Variants in HOMER1 observed in about 807,000 individuals in gnomAD.
HOMER1 encodes the protein homer protein homolog 1.
Under a neutral mutation model 48.9 loss-of-function variants are expected in HOMER1, and 3 were observed. The observed-to-expected ratio is 0.06, with a 90% CI of 0.03 to 0.16. HOMER1 has a LOEUF of 0.16. Among genes scored for constraint, HOMER1 ranks in the 10% least tolerant of loss-of-function variants. The pLI is 1.00. For missense variants in HOMER1, 247 were observed against 411.4 expected (o/e 0.60, Z 3.46); for synonymous variants, 134 against 146.4 (o/e 0.92, Z 0.61).
rs550365243 is a variant in HOMER1 at position 79,512,988 on chromosome 5, C to T, written c.-214G>A. ...TACCAAAACGTTCAAACAGAGGCGG[C>T]ATTTGCTTATTCGAGTTAAAATGCT... On this transcript the variant is annotated 5_prime_UTR_variant, in exon 1 of 9. It removes an upstream start codon present in the reference 5' UTR. Coordinates refer to ENST00000334082, the MANE Select transcript of HOMER1 (RefSeq NM_004272.5). The T allele has an allele frequency of 6.8e-6, 4 of 584,248 alleles. No individual in the cohort carries two copies. In the Admixed American group the frequency reaches 9.6e-5, roughly 14 times the overall value. 36.2% of individuals were successfully genotyped at this position (584,248 alleles called of 1,614,324 possible).
rs550891573 is a variant in HOMER1, at chr5:79,451,788, C to G, written c.163-667G>C. 7.8e-4 allele frequency among the ~76,000 whole-genome samples: 119 copies of G among 151,932 alleles called. 2 individuals carry two copies. The highest frequency in any genetic ancestry group is 7.7e-3 in the Admixed American group (118 of 15,262). On this transcript the variant is annotated intron_variant, in intron 2 of 8. Transcript: ENST00000334082. ...GTTTCACCATGTTAGCCAGGATGGT[C>G]TCGATCTCCTGATCTGCCCGCCTCG... is the stretch of plus-strand genomic sequence containing the variant.
intron 5 of HOMER1, among the ~76,000 whole-genome samples, chr5:79,419,770 CACTT>C (rs1316357314): frequency 6.6e-6 from 1 of 152,022 alleles, no homozygotes; most frequent in Non-Finnish European, 1.5e-5. Context: ...AGAAGAAAAA[CACTT>C]ATTCTAGATT....
At chr5:79,425,010 T>C (rs961994796) in intron 5 of HOMER1, among the ~76,000 whole-genome samples, 29 of 152,082 alleles carry the variant, frequency 1.9e-4, no homozygotes, top group Admixed American at 1.8e-3. Context: ...GTTAAGTGTC[T>C]TCTTTAAAGA....
intron 5 of HOMER1, among the ~76,000 whole-genome samples, chr5:79,433,397 G>C (rs958916444): frequency 6.6e-5 from 10 of 152,006 alleles, no homozygotes; most frequent in African/African-American, 2.4e-4. Flanking sequence ...CTGAAATCCT[G>C]TCTCTACTAA....
intron 5 of HOMER1, among the ~76,000 whole-genome samples, chr5:79,403,265 C>T (rs1027191146): frequency 6.6e-6 from 1 of 152,126 alleles, no homozygotes; most frequent in Non-Finnish European, 1.5e-5. Flanking sequence ...TCTTCAATCA[C>T]CATTTTTTGG....
chr5:79,386,017 T>C (rs1345667826), intron 8 of HOMER1, among the ~76,000 whole-genome samples: 1 of 151,984 alleles, frequency 6.6e-6, no homozygotes, highest in Non-Finnish European at 1.5e-5. Flanking sequence ...ACACAATGAT[T>C]CATGTAAATT....
In HOMER1 at chr5:79,457,167, A is replaced by G. The variant is rs1045548218; in HGVS notation, c.6-149T>C. ...AGAAACTTTCAAATTTGCATATTCT[A>G]AGTATTCAGTCATAAGGTTTCTAAA... On this transcript the variant is annotated intron_variant, in intron 1 of 8. Transcript: ENST00000334082. The G allele has an allele frequency of 5.6e-6, 4 of 712,454 alleles. No individual in the cohort carries two copies. The African/African-American group carries it at 7.1e-5, about 13-fold the overall frequency. 44.1% of individuals were successfully genotyped at this position (712,454 alleles called of 1,614,324 possible).
chr5:79,433,223 C>G (rs1042154654), intron 5 of HOMER1, among the ~76,000 whole-genome samples: 12 of 152,136 alleles, frequency 7.9e-5, no homozygotes, highest in African/African-American at 2.7e-4. Flanking sequence ...CAGCCATTCA[C>G]TTTTTTCCTG....
intron 1 of HOMER1, among the ~76,000 whole-genome samples, chr5:79,480,305 T>C (rs1164624603): frequency 6.6e-6 from 1 of 152,128 alleles, no homozygotes; most frequent in African/African-American, 2.4e-5. Flanking sequence ...CTTATATATA[T>C]AGTCTCATTT....
chr5:79,434,171 C>T (rs1439915530), intron 5 of HOMER1, among the ~76,000 whole-genome samples: 1 of 151,972 alleles, frequency 6.6e-6, no homozygotes, highest in Non-Finnish European at 1.5e-5. Flanking sequence ...AATATGACAA[C>T]AATTATTTAT....
rs779298030 is a variant in HOMER1 at position 79,500,959 on chromosome 5, G to GACACAC, written c.5+11810_5+11811insGTGTGT. Among the ~76,000 whole-genome samples, 533 of 129,984 alleles carry GACACAC rather than the reference G, an allele frequency of 4.1e-3. 3 individuals are homozygous for GACACAC. Among genetic ancestry groups the GACACAC allele is most frequent in the African/African-American group, 0.016 (475 of 28,872 alleles). 85.3% of individuals were successfully genotyped at this position (129,984 alleles called of 152,430 possible). A position where few individuals can be genotyped will look rare whatever the true frequency, so the allele number is the denominator to read the frequency against. On this transcript the variant is annotated intron_variant, in intron 1 of 8. Coordinates refer to ENST00000334082, the MANE Select transcript of HOMER1 (RefSeq NM_004272.5). ...TGTGTGTGTGTGTGTGTGTGAGACA[G>GACACAC]ACAGACACACACACACACACACACA...
At chr5:79,383,498 G>A (rs1365125956) in intron 8 of HOMER1, among the ~76,000 whole-genome samples, 1 of 150,380 alleles carries the variant, frequency 6.6e-6, no homozygotes, top group Non-Finnish European at 1.5e-5. Flanking sequence ...CGATTTTCCT[G>A]CCTCAGCCTC....
intron 5 of HOMER1, among the ~76,000 whole-genome samples, chr5:79,420,027 A>C (rs1359340741): frequency 6.6e-6 from 1 of 152,188 alleles, no homozygotes; most frequent in Non-Finnish European, 1.5e-5. Context: ...TTGCATTTCT[A>C]ATTTATTTAG....
chr5:79,434,292 C>G (rs1750510905), intron 5 of HOMER1, among the ~76,000 whole-genome samples: 1 of 151,716 alleles, frequency 6.6e-6, no homozygotes, highest in Non-Finnish European at 1.5e-5. Context: ...TCAACTATTT[C>G]CAAGATAATT....
intron 1 of HOMER1, among the ~76,000 whole-genome samples, chr5:79,478,460 G>C (rs1045166555): frequency 6.6e-6 from 1 of 151,990 alleles, no homozygotes; most frequent in East Asian, 1.9e-4. Flanking sequence ...AGGCCGAGGC[G>C]GGCGGATTGC....
At chr5:79,485,406 C>A (rs1271300972) in intron 1 of HOMER1, among the ~76,000 whole-genome samples, 1 of 152,156 alleles carries the variant, frequency 6.6e-6, no homozygotes, top group Non-Finnish European at 1.5e-5. Context: ...TCATCGCATC[C>A]TCACCCTAAG....
In HOMER1 at chr5:79,512,936, T is replaced by C; in HGVS notation, c.-162A>G. 1.5e-6 allele frequency: 1 copy of C among 648,606 alleles called. No homozygotes were observed. Among genetic ancestry groups the C allele is most frequent in the Admixed American group, 2.7e-5 (1 of 37,042 alleles). The allele number at this position is 648,606 out of a possible 1,614,324, so 40.2% of individuals were successfully genotyped here. On this transcript the variant is annotated 5_prime_UTR_variant, in exon 1 of 9. Transcript: ENST00000334082. ...ATGCTGCCAATTCAATTAGTTCTCT[T>C]AGGTAAAATGATTTCTCTCTTGTAA...
Position 79,477,555 on chromosome 5 carries a change from A to C in HOMER1, c.6-20537T>G, listed in dbSNP as rs1751818090. ...AGGCAGCAGCATTCTGCTACAAAAC[A>C]ATCTGTTCAAATTGAACAGGGAGGT... is the stretch of plus-strand genomic sequence containing the variant. On this transcript the variant is annotated intron_variant, in intron 1 of 8. Coordinates refer to ENST00000334082, the MANE Select transcript of HOMER1 (RefSeq NM_004272.5). 3.3e-5 allele frequency among the ~76,000 whole-genome samples: 5 copies of C among 152,240 alleles called. No individual in the cohort carries two copies. In the South Asian group the frequency reaches 1.0e-3, roughly 31 times the overall value.
intron 8 of HOMER1, among the ~76,000 whole-genome samples, chr5:79,379,418 T>A (rs1386101380): frequency 8.5e-6 from 1 of 117,948 alleles, no homozygotes; most frequent in African/African-American, 3.3e-5. Context: ...ATTTATATAT[T>A]TTATATATTA....
Sources: gnomAD v4.1 joint callset for allele counts (sites outside exome capture counted in the v4.1 genomes callset) on GRCh38, gnomAD v4.1.1 for gene constraint, MANE v1.5 for transcripts, NCBI Gene and HGNC (gene_info 2026-07-23, HGNC 2026-07-21) for gene names.